L3HYPDH: variants seen among roughly 807,000 people sequenced by gnomAD.
L3HYPDH encodes the protein trans-3-hydroxy-L-proline dehydratase.
In L3HYPDH, 32 loss-of-function variants were observed where a neutral mutation model predicts 26.5. That is an observed-to-expected ratio of 1.21 (90% CI 0.91 to 1.62). The LOEUF (loss-of-function observed/expected upper bound fraction) is 1.62, where lower values mean the gene tolerates loss of function less well. Ranked by LOEUF, L3HYPDH falls within the 40% of genes most tolerant of loss-of-function variation. The probability of loss-of-function intolerance (pLI) is 0.00; values close to 1 mark genes in which losing one functional copy is unlikely to be tolerated. For missense variants in L3HYPDH, 554 were observed against 476.4 expected (o/e 1.16, Z -1.52); for synonymous variants, 215 against 196.6 (o/e 1.09, Z -0.78).
At chr14:59,469,644 C>T (rs1399325454), downstream of L3HYPDH, among the ~76,000 whole-genome samples, 1 of 150,278 alleles carries the variant, frequency 6.7e-6, no homozygotes, top group East Asian at 1.9e-4. Context: ...CACAGCTATC[C>T]ACCTCAGGAG....
At chr14:59,487,928 T>A, upstream of L3HYPDH, 1 of 1,106,120 alleles carries the variant, frequency 9.0e-7, no homozygotes, top group Non-Finnish European at 1.3e-6. Context: ...GTTTTAAAAG[T>A]GGTAAACATG....
At chr14:59,502,221 T>G in the L3HYPDH span, among the ~76,000 whole-genome samples, 1 of 152,212 alleles carries the variant, frequency 6.6e-6, no homozygotes, top group African/African-American at 2.4e-5. Context: ...TTTAAATGAT[T>G]GCTTTTAAAT....
intron 1 of L3HYPDH, among the ~76,000 whole-genome samples, chr14:59,480,705 CT>C (rs1429166860): frequency 6.6e-6 from 1 of 151,866 alleles, no homozygotes; most frequent in African/African-American, 2.4e-5. Flanking sequence ...CACAGAAGCC[CT>C]TTTAACCCAT....
intron 1 of L3HYPDH, among the ~76,000 whole-genome samples, chr14:59,482,951 C>G (rs936950880): frequency 1.3e-5 from 2 of 152,192 alleles, no homozygotes; most frequent in Non-Finnish European, 2.9e-5. Flanking sequence ...AAACCAGATG[C>G]CAGCTTGCCA....
upstream of L3HYPDH, among the ~76,000 whole-genome samples, chr14:59,486,354 C>T (rs918572912): frequency 6.6e-6 from 1 of 152,090 alleles, no homozygotes; most frequent in African/African-American, 2.4e-5. Context: ...AGGTGGTGAC[C>T]CTCTACTGGT....
Position 59,483,476 on chromosome 14 carries a change from T to G in L3HYPDH, c.508+333A>C, listed in dbSNP as rs576271653. ...CATTGGCTGTTCTTCGCTCTTTCCT[T>G]GACCCCACCGTACCTTGCTTTATCC... On this transcript the variant is annotated intron_variant, in intron 1 of 4. Coordinates refer to ENST00000247194, the MANE Select transcript of L3HYPDH (RefSeq NM_144581.2). 5.2e-5 allele frequency: 64 copies of G among 1,238,540 alleles called. No individual in the cohort carries two copies. In the African/African-American group the frequency reaches 9.6e-4, roughly 19 times the overall value. 76.7% of individuals were successfully genotyped at this position (1,238,540 alleles called of 1,614,324 possible). A position where few individuals can be genotyped will look rare whatever the true frequency, so the allele number is the denominator to read the frequency against.
chr14:59,486,844 C>G, upstream of L3HYPDH: 2 of 1,288,266 alleles, frequency 1.6e-6, no homozygotes, highest in Non-Finnish European at 2.2e-6. Context: ...TTTGTAAAAT[C>G]TATTTGCTTT....
upstream of L3HYPDH, chr14:59,485,112 G>A (rs1294561252): frequency 1.3e-6 from 2 of 1,598,260 alleles, no homozygotes; most frequent in African/African-American, 2.7e-5. Context: ...CCTGGGTTTT[G>A]CTTAGTAAGT....
chr14:59,467,886 C>G (rs1043971347), downstream of L3HYPDH, among the ~76,000 whole-genome samples: 7 of 152,188 alleles, frequency 4.6e-5, no homozygotes, highest in Non-Finnish European at 8.8e-5. Flanking sequence ...AGTCCACATC[C>G]AATTCATCAA....
the L3HYPDH span, among the ~76,000 whole-genome samples, chr14:59,496,808 A>G: frequency 2.3e-4 from 35 of 152,320 alleles, no homozygotes; most frequent in African/African-American, 7.5e-4. Flanking sequence ...GTCATTGTAG[A>G]ACAGCTTGCC....
upstream of L3HYPDH, chr14:59,486,535 C>G (rs1890589209): frequency 1.7e-6 from 1 of 596,074 alleles, no homozygotes; most frequent in East Asian, 2.8e-5. Context: ...GGATAACTGT[C>G]TGCAGTGTCA....
the L3HYPDH span, among the ~76,000 whole-genome samples, chr14:59,498,224 T>C: frequency 6.6e-6 from 1 of 152,234 alleles, no homozygotes; most frequent in Admixed American, 6.5e-5. Context: ...TGACATGCTA[T>C]CTTGTAAGTT....
At chr14:59,487,049 A>G (rs1566573249), upstream of L3HYPDH, 1 of 320,598 alleles carries the variant, frequency 3.1e-6, no homozygotes, top group Non-Finnish European at 5.8e-6. Context: ...AAAAATAGAA[A>G]AAAATTAGCT....
chr14:59,467,602 G>A (rs1044001932), intron 1 of L3HYPDH, among the ~76,000 whole-genome samples: 27 of 151,974 alleles, frequency 1.8e-4, no homozygotes, highest in African/African-American at 5.8e-4. Flanking sequence ...CTCCCCCCTC[G>A]GCCCCATCTC....
chr14:59,496,349 A>G, the L3HYPDH span, among the ~76,000 whole-genome samples: 1 of 151,630 alleles, frequency 6.6e-6, no homozygotes, highest in South Asian at 2.1e-4. Context: ...CTAAGCATTA[A>G]TTACCCTCTT....
the L3HYPDH span, among the ~76,000 whole-genome samples, chr14:59,500,133 A>C: frequency 4.5e-4 from 69 of 152,306 alleles, no homozygotes; most frequent in East Asian, 8.5e-3. Context: ...CTTATAAGTT[A>C]AGTAGAGTTT....
downstream of L3HYPDH, among the ~76,000 whole-genome samples, chr14:59,472,381 GTC>G (rs1889336537): frequency 1.3e-5 from 2 of 152,268 alleles, no homozygotes; most frequent in African/African-American, 4.8e-5. Context: ...CTCAGCATCA[GTC>G]TCTGATACTT....
upstream of L3HYPDH, chr14:59,487,667 A>G (rs76472382): frequency 0.047 from 76,230 of 1,607,328 alleles, 2,114 homozygotes; most frequent in Non-Finnish European, 0.054. Context: ...GGTTTTATAT[A>G]TTATAGGTAT....
upstream of L3HYPDH, chr14:59,484,734 C>A: frequency 2.7e-6 from 3 of 1,127,910 alleles, no homozygotes; most frequent in Admixed American, 2.2e-5. Flanking sequence ...CGCCCTCGGG[C>A]CGGGCTCCGC....
Sources: gnomAD v4.1 joint callset for allele counts (sites outside exome capture counted in the v4.1 genomes callset) on GRCh38, gnomAD v4.1.1 for gene constraint, MANE v1.5 for transcripts, NCBI Gene and HGNC (gene_info 2026-07-23, HGNC 2026-07-21) for gene names.